PRG4: variants seen among roughly 807,000 people sequenced by gnomAD.
PRG4 encodes proteoglycan 4.
A neutral mutation model predicts 91.2 loss-of-function variants in PRG4; 61 were observed. That is an observed-to-expected ratio of 0.67 (90% CI 0.54 to 0.83). The LOEUF is 0.83. PRG4 is among the 40% of genes least tolerant of loss of function. The pLI is 0.00. For missense variants in PRG4, 1,564 were observed against 1,714.2 expected, an observed-to-expected ratio of 0.91 and a Z score of 1.55; for synonymous variants, 576 against 614.2, an observed-to-expected ratio of 0.94 and a Z score of 0.92.
rs1656608748 is a variant in PRG4, at chr1:186,306,767, C to T, written c.1048C>T (p.Pro350Ser). 2 of 1,613,458 alleles carry T rather than the reference C, an allele frequency of 1.2e-6. No individual in the cohort carries two copies. Among genetic ancestry groups the T allele is most frequent in the Non-Finnish European group, 8.5e-7 (1 of 1,179,690 alleles). The change falls in exon 7 of 13, where the codon CCC (proline) becomes TCC (serine). Residue 350 changes from proline (P) to serine (S), a missense_variant. Physicochemically the swap from Pro to Ser is moderately conservative, Grantham distance 74 (BLOSUM62 -1). Coordinates refer to ENST00000445192, the MANE Select transcript of PRG4 (RefSeq NM_005807.6). ...CCCTGCTCTCACCACTCCCAAGGAG[C>T]CCACGCCCACCACTCCCAAGGAGCC... Reference protein sequence around the residue: ...KGPALTTPKEPTPTTPKEPAS... With the variant: ...KGPALTTPKESTPTTPKEPAS...
At position 186,308,226 on chromosome 1, in the gene PRG4, C is replaced by A. The variant is rs778605098; in HGVS notation, c.2507C>A (p.Pro836His). ...TAPTTPKEPAPTTPKKPAPTT... is the reference protein window; with the variant it reads ...TAPTTPKEPAHTTPKKPAPTT... ...CCAACTACCCCCAAGGAGCCTGCACCCACTACCCCCAAGAAGCCTGCTCCA... is the reference window on the plus strand; with the variant it reads ...CCAACTACCCCCAAGGAGCCTGCACACACTACCCCCAAGAAGCCTGCTCCA... Residue 836 changes from proline (P) to histidine (H), a missense_variant, in exon 7 of 13, where the codon CCC becomes CAC. By Grantham distance (77) the Pro-to-His change is moderately conservative. Coordinates refer to ENST00000445192, the MANE Select transcript of PRG4 (RefSeq NM_005807.6). 1 of 1,614,000 alleles carries A rather than the reference C, an allele frequency of 6.2e-7. No homozygotes were observed. The highest frequency in any genetic ancestry group is 2.2e-5 in the East Asian group (1 of 44,878).
rs1381239863 is a variant in PRG4, at chr1:186,307,712, G to A, written c.1993G>A (p.Ala665Thr). ...EPTPTTPEEP[A>T]PTTPKAAAPN... Reference sequence around the variant, plus strand: ...CACACCCACCACCCCTGAGGAGCCTGCTCCCACCACTCCCAAGGCAGCGGC... The same window carrying A: ...CACACCCACCACCCCTGAGGAGCCTACTCCCACCACTCCCAAGGCAGCGGC... The change falls in exon 7 of 13, where the codon GCT becomes ACT. Residue 665 changes from alanine (A) to threonine (T), a missense_variant. Coordinates refer to ENST00000445192, the MANE Select transcript of PRG4 (RefSeq NM_005807.6). 2.5e-6 allele frequency: 4 copies of A among 1,606,812 alleles called. No homozygotes were observed. In the Admixed American group the frequency reaches 5.1e-5, roughly 20 times the overall value.
rs371459140 is a variant in PRG4, at chr1:186,308,660, C to T, written c.2941C>T (p.Leu981Phe). Residue 981 changes from leucine (L) to phenylalanine (F), a missense_variant, in exon 7 of 13, where the codon CTT becomes TTT. Around this residue, in one of 3 missense-constraint regions of PRG4, gnomAD observed 1,079 missense variants for 1,162.2 expected, o/e 0.93. Coordinates refer to ENST00000445192, the MANE Select transcript of PRG4 (RefSeq NM_005807.6). ...AATTACTACTCTTAAAACAACTACTCTTGCACCCAAAGTAACTACAACAAA... is the reference window on the plus strand; with the variant it reads ...AATTACTACTCTTAAAACAACTACTTTTGCACCCAAAGTAACTACAACAAA... ...FKITTLKTTT[L>F]APKVTTTKKT... 964 of 1,612,028 alleles carry T rather than the reference C, an allele frequency of 6.0e-4. 11 individuals are homozygous for T. The South Asian group carries it at 0.01, about 17-fold the overall frequency.
chr1:186,311,201 A>C, intron 9 of PRG4, 31 bp downstream of exon 9: 1 of 1,589,246 alleles, frequency 6.3e-7, no homozygotes, highest in Non-Finnish European at 8.6e-7. Flanking sequence ...AGAGAAATTT[A>C]ATAATAATTT....
At chr1:186,309,768 GTTTT>G (rs1557961711) in intron 7 of PRG4, 21 bp from the exon 8 acceptor site, 1 of 1,526,058 alleles carries the variant, frequency 6.6e-7, no homozygotes, top group Admixed American at 1.7e-5. Flanking sequence ...TTCTATATTT[GTTTT>G]GTTTTTGTTA....
rs749787819 is a variant in PRG4 at position 186,307,532 on chromosome 1, C to T, written c.1813C>T (p.Pro605Ser). 22 of 1,574,784 alleles carry T rather than the reference C, an allele frequency of 1.4e-5. No homozygotes were observed. The South Asian group carries it at 2.2e-4, about 16-fold the overall frequency. Reference protein sequence around the residue: ...TTTKKPAPTTPKEPAPTTPKE... With the variant: ...TTTKKPAPTTSKEPAPTTPKE... ...CACCAAGAAGCCTGCACCCACCACT[C>T]CCAAAGAGCCTGCCCCAACTACCCC... is the stretch of plus-strand genomic sequence containing the variant. The change falls in exon 7 of 13, where the codon CCC becomes TCC. Residue 605 changes from proline (P) to serine (S), a missense_variant. By Grantham distance (74) the Pro-to-Ser change is moderately conservative. Around this residue, in one of 3 missense-constraint regions of PRG4, gnomAD observed 1,079 missense variants for 1,162.2 expected, o/e 0.93. Coordinates refer to ENST00000445192, the MANE Select transcript of PRG4 (RefSeq NM_005807.6).
rs372110065 is a variant in PRG4 at position 186,300,179 on chromosome 1, G to C, written c.165G>C (p.Glu55Asp). The change falls in exon 3 of 13, where the codon GAG becomes GAC. Residue 55 changes from glutamate (E) to aspartate (D), a missense_variant. Around this residue, in one of 3 missense-constraint regions of PRG4, gnomAD observed 437 missense variants for 459.0 expected, o/e 0.95. Transcript: ENST00000445192. ...ATTATAACTGTCAACACTACATGGAGTGCTGCCCTGATTTCAAGAGAGTCT... is the reference window on the plus strand; with the variant it reads ...ATTATAACTGTCAACACTACATGGACTGCTGCCCTGATTTCAAGAGAGTCT... ...NCDYNCQHYM[E>D]CCPDFKRVCT... The C allele has an allele frequency of 6.2e-7, 1 of 1,614,064 alleles. No individual in the cohort carries two copies. The highest frequency in any genetic ancestry group is 8.5e-7 in the Non-Finnish European group (1 of 1,180,042).
At chr1:186,302,873 A>G (rs1407175108) in intron 4 of PRG4, among the ~76,000 whole-genome samples, 2 of 152,200 alleles carry the variant, frequency 1.3e-5, no homozygotes, top group Non-Finnish European at 2.9e-5. Context: ...ACATTTTGAT[A>G]AAGATAATAC....
rs1458492060 is a variant in PRG4 at position 186,314,281 on chromosome 1, A to G, written c.*503A>G. 2.2e-6 allele frequency: 1 copy of G among 448,466 alleles called. No homozygotes were observed. Among genetic ancestry groups the G allele is most frequent in the Non-Finnish European group, 3.9e-6 (1 of 255,668 alleles). 27.8% of individuals were successfully genotyped at this position (448,466 alleles called of 1,614,324 possible). A position where few individuals can be genotyped will look rare whatever the true frequency, so the allele number is the denominator to read the frequency against. On this transcript the variant is annotated 3_prime_UTR_variant, in exon 13 of 13. Coordinates refer to ENST00000445192, the MANE Select transcript of PRG4 (RefSeq NM_005807.6). The stretch of plus-strand genomic sequence containing the variant: ...TTTTACTAGCTAAAACATAATCACA[A>G]AGCTTTATCGTGTTGTATAAAAAAA...
rs768986143 is a variant in PRG4 at position 186,304,842 on chromosome 1, C to T, written c.518C>T (p.Ser173Phe). 2.9e-5 allele frequency: 47 copies of T among 1,612,514 alleles called. No homozygotes were observed. In the East Asian group the frequency reaches 1.0e-3, roughly 35 times the overall value. The change falls in exon 6 of 13, where the codon TCC becomes TTC. Residue 173 changes from serine to phenylalanine, a missense_variant. Transcript: ENST00000445192. ...GAGTCCTCCTCCTCCTCCTCCTCTTCCTCTTCTTCTTCAACAATTCGGAAA... is the reference window on the plus strand; with the variant it reads ...GAGTCCTCCTCCTCCTCCTCCTCTTTCTCTTCTTCTTCAACAATTCGGAAA... Reference protein sequence around the residue: ...NQESSSSSSSSSSSSTIRKIK... With the variant: ...NQESSSSSSSFSSSSTIRKIK...
Position 186,311,531 on chromosome 1 carries a change from T to G in PRG4, c.3728T>G (p.Ile1243Arg), listed in dbSNP as rs750923984. Residue 1243 changes from isoleucine to arginine, a missense_variant, in exon 10 of 13, where the codon ATA becomes AGA. Transcript: ENST00000445192. The stretch of plus-strand genomic sequence containing the variant: ...GGATTTGGAGGACTAACTGGACAAA[T>G]AGTGGCAGCGCTTTCAACAGCTAAA... ...FKGFGGLTGQ[I>R]VAALSTAKYK... 1 of 1,614,064 alleles carries G rather than the reference T, an allele frequency of 6.2e-7. No individual in the cohort carries two copies. The highest frequency in any genetic ancestry group is 2.2e-5 in the East Asian group (1 of 44,856).
chr1:186,310,144 G>GC (rs904997177), intron 8 of PRG4, among the ~76,000 whole-genome samples: 9 of 123,116 alleles, frequency 7.3e-5, no homozygotes, highest in African/African-American at 2.7e-4. Context: ...TTGGGGGGGG[G>GC]GGGTAGTTAA....
chr1:186,300,830 A>G (rs1656169904), intron 3 of PRG4, among the ~76,000 whole-genome samples: 1 of 152,210 alleles, frequency 6.6e-6, no homozygotes, highest in African/African-American at 2.4e-5. Context: ...ACACAGAAAC[A>G]TTTCCTATTC....
intron 6 of PRG4, among the ~76,000 whole-genome samples, chr1:186,305,458 T>C (rs1656494729): frequency 6.6e-6 from 1 of 152,234 alleles, no homozygotes; most frequent in African/African-American, 2.4e-5. Context: ...TGCTACAGAA[T>C]AGGCTATTAT....
chr1:186,299,320 T>C (rs1656052158), intron 2 of PRG4, among the ~76,000 whole-genome samples: 1 of 152,236 alleles, frequency 6.6e-6, no homozygotes, highest in Non-Finnish European at 1.5e-5. Flanking sequence ...CCCCTGACAT[T>C]TTAAAAATCC....
chr1:186,311,601 G>A lies in PRG4; in HGVS notation c.3793+5G>A. The stretch of plus-strand genomic sequence containing the variant: ...CTGTGTATTTTTTCAAGAGAGGTAT[G>A]TGTTACATAATTGACAAGATTACAA... On this transcript the variant is annotated splice_donor_5th_base_variant and intron_variant, in intron 10 of 12. Coordinates refer to ENST00000445192, the MANE Select transcript of PRG4 (RefSeq NM_005807.6). 1.2e-6 allele frequency: 2 copies of A among 1,612,844 alleles called. No individual in the cohort carries two copies.
At chr1:186,309,936 C>A in intron 8 of PRG4, 66 bp downstream of exon 8, 1 of 1,348,598 alleles carries the variant, frequency 7.4e-7, no homozygotes, top group Non-Finnish European at 1.1e-6. Flanking sequence ...GAACCAAAGC[C>A]GTGGAAGAGT....
rs1450768672 is a variant in PRG4, at chr1:186,311,694, TG to T, written c.3793+100del. 24 of 1,265,304 alleles carry T rather than the reference TG, an allele frequency of 1.9e-5. No homozygotes were observed. The Admixed American group carries it at 3.9e-4, about 21-fold the overall frequency. 78.4% of individuals were successfully genotyped at this position (1,265,304 alleles called of 1,614,324 possible). The stretch of plus-strand genomic sequence containing the variant: ...CTTTACTGTCAAAAGATATCTTTAA[TG>T]GCTGAAATCAAATATTTTCAGTGAA... On this transcript the variant is annotated intron_variant, in intron 10 of 12. Coordinates refer to ENST00000445192, the MANE Select transcript of PRG4 (RefSeq NM_005807.6).
chr1:186,298,070 G>C (rs79935516), intron 2 of PRG4, among the ~76,000 whole-genome samples: 10,734 of 152,196 alleles, frequency 0.071, 1,247 homozygotes, highest in African/African-American at 0.24. Context: ...TTTTAATTGT[G>C]ATTAAATAAA....
Sources: gnomAD v4.1 joint callset for allele counts (sites outside exome capture counted in the v4.1 genomes callset) on GRCh38, gnomAD v4.1.1 for gene constraint, gnomAD v4.1.1 regional missense constraint, MANE v1.5 for transcripts, NCBI Gene and HGNC (gene_info 2026-07-23, HGNC 2026-07-21) for gene names.